Variants in PTPRD observed in about 807,000 individuals in gnomAD.
The protein encoded by PTPRD is protein tyrosine phosphatase receptor type D.
PTPRD carries 34 observed loss-of-function variants against 214.5 expected under a neutral mutation model. The ratio of observed to expected loss-of-function variants is 0.16; its 90% confidence interval spans 0.12 to 0.21. The LOEUF (loss-of-function observed/expected upper bound fraction) is 0.21, where lower values mean the gene tolerates loss of function less well. Among genes scored for constraint, PTPRD ranks in the 10% least tolerant of loss-of-function variants. PTPRD has a pLI of 1.00. For missense variants in PTPRD, 2,545 were observed against 2,398.7 expected (o/e 1.06, Z -1.27); for synonymous variants, 1,128 against 845.7 (o/e 1.33, Z -5.79).
chr9:8,905,164 T>G (rs1433990950), intron 11 of PTPRD, among the ~76,000 whole-genome samples: 3 of 152,204 alleles, frequency 2.0e-5, no homozygotes, highest in Non-Finnish European at 2.9e-5. Flanking sequence ...AGGATTTATG[T>G]AACATGCAAA....
At chr9:9,367,387 G>T (rs529663828) in intron 9 of PTPRD, among the ~76,000 whole-genome samples, 3 of 151,524 alleles carry the variant, frequency 2.0e-5, no homozygotes, top group Non-Finnish European at 4.4e-5. Context: ...ATTCATAAGG[G>T]ACAAGAGAAG....
Position 8,633,987 on chromosome 9 carries a change from G to A in PTPRD, c.211-529C>T, listed in dbSNP as rs571776990. Among the ~76,000 whole-genome samples the A allele has an allele frequency of 1.2e-3, 177 of 151,872 alleles. 1 individual carries two copies. The highest frequency in any genetic ancestry group is 2.2e-3 in the Non-Finnish European group (149 of 67,956). On this transcript the variant is annotated intron_variant, in intron 13 of 45. Transcript: ENST00000381196. ...TAAATCTAGTACTTAGGCAGCCAAC[G>A]AGACAGCTTTCACAACCCAAAAGCC... is the stretch of plus-strand genomic sequence containing the variant.
chr9:9,735,401 T>C lies in PTPRD; in HGVS notation c.-325-830A>G, dbSNP rs150424490. ...TTGTCTTGGGAATCGAGTTTGAAAC[T>C]ACACATTTGAAAAACACATGTCTTT... On this transcript the variant is annotated intron_variant, in intron 6 of 45. Transcript: ENST00000381196. Among the ~76,000 whole-genome samples the C allele has an allele frequency of 1.2e-3, 177 of 152,236 alleles. 1 individual carries two copies. The highest frequency in any genetic ancestry group is 3.9e-3 in the African/African-American group (164 of 41,568).
At chr9:8,735,026 C>G (rs1022975371) in intron 11 of PTPRD, among the ~76,000 whole-genome samples, 1 of 151,946 alleles carries the variant, frequency 6.6e-6, no homozygotes, top group African/African-American at 2.4e-5. Flanking sequence ...TCAGCATGCA[C>G]GGGGCCCCCT....
At chr9:9,087,098 T>A (rs753683358) in intron 10 of PTPRD, among the ~76,000 whole-genome samples, 2 of 152,206 alleles carry the variant, frequency 1.3e-5, no homozygotes, top group Non-Finnish European at 2.9e-5. Flanking sequence ...ATTTCCATTG[T>A]CTCTGAGTTG....
intron 35 of PTPRD, among the ~76,000 whole-genome samples, chr9:8,411,060 G>A (rs1225298916): frequency 6.6e-6 from 1 of 151,922 alleles, no homozygotes; most frequent in Non-Finnish European, 1.5e-5. Context: ...GATTAAAAAT[G>A]ATGAAAAACA....
At chr9:10,420,482 A>T (rs2098535844) in intron 2 of PTPRD, among the ~76,000 whole-genome samples, 1 of 151,868 alleles carries the variant, frequency 6.6e-6, no homozygotes, top group Admixed American at 6.6e-5. Context: ...TGAAGGGGGA[A>T]ATAATCTCTT....
rs1327445542 is a variant in PTPRD, at chr9:9,627,503, T to C, written c.-286-52722A>G. Among the ~76,000 whole-genome samples the C allele has an allele frequency of 2.6e-5, 4 of 152,214 alleles. No homozygotes were observed. The East Asian group carries it at 7.7e-4, about 29-fold the overall frequency. ...TCTCTAAAAAGTAACTACATTTCTA[T>C]AGCAGTAGAACTTCACAGTGTTTTC... On this transcript the variant is annotated intron_variant, in intron 7 of 45. Coordinates refer to ENST00000381196, the MANE Select transcript of PTPRD (RefSeq NM_002839.4).
rs868215247 is a variant in PTPRD at position 9,947,481 on chromosome 9, T to A, written c.-471-8871A>T. On this transcript the variant is annotated intron_variant, in intron 4 of 45. Coordinates refer to ENST00000381196, the MANE Select transcript of PTPRD (RefSeq NM_002839.4). Reference sequence around the variant, plus strand: ...TATATATACTATATATTATATATATTTTATATATATTATATATATTTTATA... The same window carrying A: ...TATATATACTATATATTATATATATATTATATATATTATATATATTTTATA... Among the ~76,000 whole-genome samples the A allele has an allele frequency of 5.5e-3, 134 of 24,354 alleles. 2 individuals are homozygous for A. Among genetic ancestry groups the A allele is most frequent in the African/African-American group, 0.028 (90 of 3,206 alleles). The allele number at this position is 24,354 out of a possible 152,430, so 16.0% of individuals were successfully genotyped here.
intron 9 of PTPRD, among the ~76,000 whole-genome samples, chr9:9,379,021 T>G (rs1425294835): frequency 2.0e-5 from 3 of 151,584 alleles, no homozygotes; most frequent in Non-Finnish European, 4.4e-5. Context: ...AAGCCCAGCT[T>G]ATCAATTATT....
At chr9:9,892,584 G>T (rs974205028) in intron 5 of PTPRD, among the ~76,000 whole-genome samples, 1 of 152,150 alleles carries the variant, frequency 6.6e-6, no homozygotes, top group South Asian at 2.1e-4. Context: ...CTAGTAAGAT[G>T]AAAAAGCATT....
At chr9:10,087,830 T>C (rs1208890460) in intron 3 of PTPRD, among the ~76,000 whole-genome samples, 1 of 151,770 alleles carries the variant, frequency 6.6e-6, no homozygotes, top group African/African-American at 2.4e-5. Flanking sequence ...TCACGGTAAC[T>C]TCTTTATCTA....
At chr9:9,459,925 C>G (rs1316077137) in intron 8 of PTPRD, among the ~76,000 whole-genome samples, 1 of 152,054 alleles carries the variant, frequency 6.6e-6, no homozygotes, top group Non-Finnish European at 1.5e-5. Context: ...AGAGGCATCA[C>G]ATTACCTGAC....
intron 12 of PTPRD, among the ~76,000 whole-genome samples, chr9:8,675,564 C>A (rs1282224719): frequency 8.8e-6 from 1 of 113,014 alleles, no homozygotes; most frequent in East Asian, 2.8e-4. Context: ...AAAAAAAAAA[C>A]CTCACGCCTG....
intron 11 of PTPRD, among the ~76,000 whole-genome samples, chr9:8,829,667 G>A (rs2097249951): frequency 6.6e-6 from 1 of 152,084 alleles, no homozygotes; most frequent in South Asian, 2.1e-4. Context: ...TGGGAGCTCG[G>A]TTACTAGGAA....
rs1022366967 is a variant in PTPRD at position 8,555,251 on chromosome 9, T to A, written c.353-26472A>T. On this transcript the variant is annotated intron_variant, in intron 14 of 45. Coordinates refer to ENST00000381196, the MANE Select transcript of PTPRD (RefSeq NM_002839.4). ...AGACCCTGTCTGTATAAAAAGACTT[T>A]TAAAAATTAGCCAAGCATGACAGTG... is the stretch of plus-strand genomic sequence containing the variant. 3.3e-5 allele frequency among the ~76,000 whole-genome samples: 5 copies of A among 152,018 alleles called. No individual in the cohort carries two copies. In the South Asian group the frequency reaches 1.0e-3, roughly 32 times the overall value.
At chr9:8,885,691 T>C (rs2098481697) in intron 11 of PTPRD, among the ~76,000 whole-genome samples, 1 of 151,950 alleles carries the variant, frequency 6.6e-6, no homozygotes, top group South Asian at 2.1e-4. Flanking sequence ...GAGATGGGGT[T>C]TCACCATATT....
At chr9:9,464,900 T>G (rs2094002830) in intron 8 of PTPRD, among the ~76,000 whole-genome samples, 1 of 152,224 alleles carries the variant, frequency 6.6e-6, no homozygotes, top group Non-Finnish European at 1.5e-5. Context: ...TAATTAAGCA[T>G]GTCCAATGCA....
intron 12 of PTPRD, among the ~76,000 whole-genome samples, chr9:8,681,445 A>G (rs2097547869): frequency 6.6e-6 from 1 of 152,192 alleles, no homozygotes; most frequent in African/African-American, 2.4e-5. Flanking sequence ...CAGTTTAACC[A>G]AGAAGCTGCT....
Sources: gnomAD v4.1 joint callset for allele counts (sites outside exome capture counted in the v4.1 genomes callset) on GRCh38, gnomAD v4.1.1 for gene constraint, MANE v1.5 for transcripts, NCBI Gene and HGNC (gene_info 2026-07-23, HGNC 2026-07-21) for gene names.